The following SLC30A9 variants were observed in gnomAD, a reference collection of about 807,000 sequenced individuals.
SLC30A9 encodes the protein solute carrier family 30 member 9.
SLC30A9 carries 58 observed loss-of-function variants against 87.5 expected under a neutral mutation model. The ratio of observed to expected loss-of-function variants is 0.66; its 90% CI spans 0.54 to 0.82. The LOEUF (loss-of-function observed/expected upper bound fraction) is 0.82, where lower values mean the gene tolerates loss of function less well. Among genes scored for constraint, SLC30A9 ranks in the 40% least tolerant of loss-of-function variants. The probability of loss-of-function intolerance (pLI) is 0.00; values close to 1 mark genes in which losing one functional copy is unlikely to be tolerated. For synonymous variants in SLC30A9, 234 were observed against 233.0 expected (o/e 1.00, Z -0.04); for missense variants, 557 against 679.1 (o/e 0.82, Z 2.00).
intron 17 of SLC30A9, among the ~76,000 whole-genome samples, chr4:42,083,532 C>T (rs567733000): frequency 1.3e-3 from 193 of 152,076 alleles, no homozygotes; most frequent in African/African-American, 4.5e-3. Flanking sequence ...GTATTGTGCA[C>T]ATATACTTTT....
intron 9 of SLC30A9, among the ~76,000 whole-genome samples, chr4:42,049,746 T>C (rs1717312901): frequency 6.6e-6 from 1 of 152,210 alleles, no homozygotes; most frequent in Non-Finnish European, 1.5e-5. Context: ...ATATGAATTC[T>C]CAATGACTGT....
intron 7 of SLC30A9, 100 bp from the exon 8 acceptor site, chr4:42,038,885 GT>G: frequency 2.8e-6 from 2 of 708,136 alleles, no homozygotes; most frequent in Non-Finnish European, 5.0e-6. Context: ...TAATTCAGAA[GT>G]TTTGATAGAG....
intron 9 of SLC30A9, among the ~76,000 whole-genome samples, chr4:42,054,227 A>C (rs1383318608): frequency 6.6e-6 from 1 of 152,046 alleles, no homozygotes; most frequent in African/African-American, 2.4e-5. Context: ...GCGTGGTGGT[A>C]CATGCCTGTA....
In SLC30A9 at chr4:42,026,506, T is replaced by C. The variant is rs535904499; in HGVS notation, c.610+3122T>C. Among the ~76,000 whole-genome samples the C allele has an allele frequency of 1.6e-4, 25 of 152,348 alleles. 1 individual carries two copies. The highest frequency in any genetic ancestry group is 6.8e-3 in the Middle Eastern group (2 of 294). On this transcript the variant is annotated intron_variant, in intron 6 of 17. Coordinates refer to ENST00000264451, the MANE Select transcript of SLC30A9 (RefSeq NM_006345.4). ...TGTTATCTGTTAAACGACTAACAGA[T>C]TTTATTAAGCATCGTGAGGTTTCTC...
chr4:42,069,301 G>A (rs1371052443), intron 14 of SLC30A9, among the ~76,000 whole-genome samples: 1 of 151,974 alleles, frequency 6.6e-6, no homozygotes, highest in African/African-American at 2.4e-5. Flanking sequence ...TTCTTAATTA[G>A]CTAATTTATT....
At chr4:42,044,920 C>T (rs1313060131) in intron 8 of SLC30A9, among the ~76,000 whole-genome samples, 8 of 152,120 alleles carry the variant, frequency 5.3e-5, no homozygotes, top group East Asian at 3.8e-4. Flanking sequence ...CTCAAAACCG[C>T]GCAACTACAT....
At chr4:42,056,967 A>G (rs948301405) in intron 9 of SLC30A9, among the ~76,000 whole-genome samples, 15 of 152,162 alleles carry the variant, frequency 9.9e-5, no homozygotes, top group Admixed American at 7.2e-4. Flanking sequence ...TCAATTCGTA[A>G]AGCTCCAAAA....
At chr4:42,021,452 C>G (rs972101894) in intron 4 of SLC30A9, among the ~76,000 whole-genome samples, 24 of 152,094 alleles carry the variant, frequency 1.6e-4, no homozygotes, top group African/African-American at 5.6e-4. Flanking sequence ...TAGTCACAGA[C>G]TTTTTATTTA....
chr4:42,030,508 T>C (rs1716380427), intron 6 of SLC30A9, among the ~76,000 whole-genome samples: 1 of 152,106 alleles, frequency 6.6e-6, no homozygotes, highest in Non-Finnish European at 1.5e-5. Flanking sequence ...TTATCGTATC[T>C]GTTTTGTACT....
intron 17 of SLC30A9, among the ~76,000 whole-genome samples, chr4:42,080,922 G>C (rs1348817915): frequency 2.6e-5 from 4 of 152,186 alleles, no homozygotes; most frequent in Non-Finnish European, 5.9e-5. Flanking sequence ...TCTTTCAGAT[G>C]TTGATACATT....
At chr4:42,030,139 T>G in intron 6 of SLC30A9, 1 of 885,570 alleles carries the variant, frequency 1.1e-6, no homozygotes, top group African/African-American at 1.7e-5. Flanking sequence ...AGCACAAATC[T>G]TTCCCGCTAG....
At chr4:42,026,057 TG>T (rs565798663) in intron 6 of SLC30A9, among the ~76,000 whole-genome samples, 24 of 152,266 alleles carry the variant, frequency 1.6e-4, no homozygotes, top group African/African-American at 5.1e-4. Context: ...CTTGAACTCC[TG>T]GGCTCAAGTG....
intron 8 of SLC30A9, among the ~76,000 whole-genome samples, chr4:42,045,187 C>T (rs1009457877): frequency 6.6e-5 from 10 of 151,932 alleles, no homozygotes; most frequent in Non-Finnish European, 1.5e-4. Context: ...CAAATGCTAG[C>T]AGAAGACAAG....
rs1346270112 is a variant in SLC30A9, at chr4:42,060,208, C to T, written c.858C>T (p.Gly286=). 7 of 1,611,884 alleles carry T rather than the reference C, an allele frequency of 4.3e-6. No homozygotes were observed. The highest frequency in any genetic ancestry group is 5.9e-6 in the Non-Finnish European group (7 of 1,178,372). Residue 286 remains glycine, a synonymous_variant, in exon 10 of 18, where the codon GGC becomes GGT. Transcript: ENST00000264451. Reference sequence around the variant, plus strand: ...CTTCATAGGGTTTACTAGCATTGGGCATCAGTAAGTCTGTTCAAACACCAG... The same window carrying T: ...CTTCATAGGGTTTACTAGCATTGGGTATCAGTAAGTCTGTTCAAACACCAG... ...DTCNQGLLAL[G]ISKSVQTPDP...
chr4:42,002,888 G>A (rs1715047524), intron 2 of SLC30A9, among the ~76,000 whole-genome samples: 1 of 152,036 alleles, frequency 6.6e-6, no homozygotes, highest in Non-Finnish European at 1.5e-5. Context: ...ATTAAGTATT[G>A]ACTTTTCTCT....
At chr4:42,003,948 G>A (rs1318928027) in intron 2 of SLC30A9, among the ~76,000 whole-genome samples, 1 of 152,086 alleles carries the variant, frequency 6.6e-6, no homozygotes, top group Non-Finnish European at 1.5e-5. Flanking sequence ...TGTGCTATTT[G>A]TTGGCTAATA....
chr4:41,994,844 AAAG>A (rs1380466863), intron 1 of SLC30A9, among the ~76,000 whole-genome samples: 1 of 150,470 alleles, frequency 6.6e-6, no homozygotes, highest in Non-Finnish European at 1.5e-5. Flanking sequence ...AAAAAAAAAA[AAAG>A]ACCATTTAGA....
intron 1 of SLC30A9, among the ~76,000 whole-genome samples, chr4:41,996,051 C>G (rs918856246): frequency 1.3e-5 from 2 of 151,506 alleles, no homozygotes; most frequent in African/African-American, 4.9e-5. Context: ...CCTGTTGTGT[C>G]TAGGGTATGG....
intron 9 of SLC30A9, among the ~76,000 whole-genome samples, chr4:42,053,439 C>T (rs952502096): frequency 3.3e-5 from 5 of 151,958 alleles, no homozygotes; most frequent in Non-Finnish European, 5.9e-5. Flanking sequence ...GTCTGTAATC[C>T]GAGCACTTTG....
Sources: allele counts gnomAD v4.1 joint callset (sites outside exome capture counted in the v4.1 genomes callset), GRCh38; gene constraint gnomAD v4.1.1; transcripts MANE v1.5; gene names NCBI Gene and HGNC (gene_info 2026-07-23, HGNC 2026-07-21).